The following ASXL2 variants were observed in gnomAD, a reference collection of about 807,000 sequenced individuals.
ASXL2 encodes ASXL transcriptional regulator 2.
A neutral mutation model predicts 122.0 loss-of-function variants in ASXL2; 23 were observed. The observed-to-expected ratio is 0.19, with a 90% CI of 0.14 to 0.27. ASXL2 has a LOEUF of 0.27. Among genes scored for constraint, ASXL2 ranks in the 10% least tolerant of loss-of-function variants. ASXL2 has a pLI of 1.00. For missense variants in ASXL2, 1,518 were observed against 1,713.8 expected (o/e 0.89, Z 2.02); for synonymous variants, 650 against 637.0 (o/e 1.02, Z -0.31).
Position 25,743,699 on chromosome 2 carries a change from C to T in ASXL2, c.2638G>A (p.Val880Met). The T allele has an allele frequency of 1.2e-6, 2 of 1,614,010 alleles. No individual in the cohort carries two copies. Among genetic ancestry groups the T allele is most frequent in the South Asian group, 2.2e-5 (2 of 91,080 alleles). The change falls in exon 13 of 13, where the codon GTG (valine) becomes ATG (methionine). Residue 880 changes from valine to methionine, a missense_variant. Physicochemically the swap from Val to Met is conservative, Grantham distance 21. Around this residue, in one of 8 missense-constraint regions of ASXL2, gnomAD observed 831 missense variants for 833.1 expected, o/e 1.00. Coordinates refer to ENST00000435504, the MANE Select transcript of ASXL2 (RefSeq NM_018263.6). ...ASSKTDASVPVAVTPSPLTSL... is the reference protein window; with the variant it reads ...ASSKTDASVPMAVTPSPLTSL... Reference sequence around the variant, plus strand: ...GTTAAAGGGGAGGGAGTTACAGCCACTGGCACACTAGCATCTGTCTTTGAT... The same window carrying T: ...GTTAAAGGGGAGGGAGTTACAGCCATTGGCACACTAGCATCTGTCTTTGAT...
At chr2:25,756,741 C>T (rs1199178717) in intron 9 of ASXL2, among the ~76,000 whole-genome samples, 1 of 152,206 alleles carries the variant, frequency 6.6e-6, no homozygotes, top group Non-Finnish European at 1.5e-5. Context: ...CTCAACTCTG[C>T]CACTGTAGCA....
At chr2:25,861,330 T>C (rs1230004449) in intron 1 of ASXL2, among the ~76,000 whole-genome samples, 1 of 152,104 alleles carries the variant, frequency 6.6e-6, no homozygotes, top group African/African-American at 2.4e-5. Flanking sequence ...AAAGAAATCT[T>C]GAACAATTCT....
chr2:25,846,415 G>T (rs866077789), intron 1 of ASXL2, among the ~76,000 whole-genome samples: 1 of 152,090 alleles, frequency 6.6e-6, no homozygotes, highest in African/African-American at 2.4e-5. Context: ...GAAGGCCGAG[G>T]CGGACAGATG....
intron 11 of ASXL2, among the ~76,000 whole-genome samples, chr2:25,750,847 G>A (rs2088032059): frequency 6.6e-6 from 1 of 152,174 alleles, no homozygotes; most frequent in Non-Finnish European, 1.5e-5. Context: ...ACTGAAGGAA[G>A]CCCAAGACCC....
In ASXL2 at chr2:25,737,063, T is replaced by C. The variant is rs1341339309; in HGVS notation, c.*4966A>G. On this transcript the variant is annotated 3_prime_UTR_variant, in exon 13 of 13. Coordinates refer to ENST00000435504, the MANE Select transcript of ASXL2 (RefSeq NM_018263.6). ...AGCTACCCTTCCTGACCCAGAGGAG[T>C]TCAAAATTCAAGTGTCAAATGCTGA... is the stretch of plus-strand genomic sequence containing the variant. The C allele has an allele frequency of 6.6e-6, 1 of 151,892 alleles. No homozygotes were observed. Among genetic ancestry groups the C allele is most frequent in the Non-Finnish European group, 1.5e-5 (1 of 67,966 alleles). The allele number at this position is 151,892 out of a possible 1,614,324, so 9.4% of individuals were successfully genotyped here.
At chr2:25,767,854 G>C (rs900552716) in intron 7 of ASXL2, 128 bp from the exon 8 acceptor site, 19 of 1,076,796 alleles carry the variant, frequency 1.8e-5, no homozygotes, top group Middle Eastern at 2.2e-4. Flanking sequence ...AATGTGTTTT[G>C]AGTTTGAAAA....
chr2:25,773,999 T>C lies in ASXL2; in HGVS notation c.404-2459A>G, dbSNP rs184733659. Among the ~76,000 whole-genome samples the C allele has an allele frequency of 3.4e-3, 518 of 151,980 alleles. 3 individuals carry two copies. The highest frequency in any genetic ancestry group is 0.012 in the African/African-American group (485 of 41,490). ...AAGCTGAGATCACGCCACTGTACTC[T>C]AGCCTGGGCAACACAGTGAGACTCC... On this transcript the variant is annotated intron_variant, in intron 5 of 12. Transcript: ENST00000435504.
At chr2:25,794,705 G>A (rs534728448) in intron 5 of ASXL2, among the ~76,000 whole-genome samples, 1 of 152,288 alleles carries the variant, frequency 6.6e-6, no homozygotes, top group Non-Finnish European at 1.5e-5. Flanking sequence ...TTTGCTGTCA[G>A]AGCTCTTTAT....
chr2:25,843,926 G>A (rs2089618797), intron 2 of ASXL2, among the ~76,000 whole-genome samples: 1 of 152,024 alleles, frequency 6.6e-6, no homozygotes, highest in South Asian at 2.1e-4. Flanking sequence ...AAATATTTGG[G>A]CATAGCTTAC....
In ASXL2 at chr2:25,741,866, A is replaced by T; in HGVS notation, c.*163T>A. On this transcript the variant is annotated 3_prime_UTR_variant, in exon 13 of 13. Coordinates refer to ENST00000435504, the MANE Select transcript of ASXL2 (RefSeq NM_018263.6). Reference sequence around the variant, plus strand: ...ACTATACAAGGTGCTCTTCCTCTAAAATGTAAAAAATCTGTACTTTGTATT... The same window carrying T: ...ACTATACAAGGTGCTCTTCCTCTAATATGTAAAAAATCTGTACTTTGTATT... 1 of 680,872 alleles carries T rather than the reference A, an allele frequency of 1.5e-6. No homozygotes were observed. Among genetic ancestry groups the T allele is most frequent in the Non-Finnish European group, 2.4e-6 (1 of 416,914 alleles). The allele number at this position is 680,872 out of a possible 1,614,324, so 42.2% of individuals were successfully genotyped here.
At position 25,878,235 on chromosome 2, in the gene ASXL2, A is replaced by C; in HGVS notation, c.-13T>G. ...CCTTTTCCCTCATGTCGGGTCTTGA[A>C]CTGACTGGGAGGCTCCCGTGTCCGG... On this transcript the variant is annotated 5_prime_UTR_variant, in exon 1 of 13. Coordinates refer to ENST00000435504, the MANE Select transcript of ASXL2 (RefSeq NM_018263.6). The C allele has an allele frequency of 6.2e-7, 1 of 1,613,400 alleles. No individual in the cohort carries two copies. Among genetic ancestry groups the C allele is most frequent in the Non-Finnish European group, 8.5e-7 (1 of 1,179,710 alleles).
At chr2:25,793,209 G>A (rs1478507724) in intron 5 of ASXL2, among the ~76,000 whole-genome samples, 1 of 152,052 alleles carries the variant, frequency 6.6e-6, no homozygotes, top group African/African-American at 2.4e-5. Context: ...TCCAGCCTGG[G>A]TGACAGAGCA....
chr2:25,783,158 ATAAAAAT>A (rs1477856873), intron 5 of ASXL2, among the ~76,000 whole-genome samples: 1 of 152,164 alleles, frequency 6.6e-6, no homozygotes, highest in African/African-American at 2.4e-5. Flanking sequence ...AAATTAAAAA[ATAAAAAT>A]ATGATTGAAT....
chr2:25,824,265 A>G (rs1415914780), intron 3 of ASXL2, among the ~76,000 whole-genome samples: 1 of 152,188 alleles, frequency 6.6e-6, no homozygotes, highest in Non-Finnish European at 1.5e-5. Flanking sequence ...AACTCAGGAA[A>G]AAAAATATGG....
intron 1 of ASXL2, among the ~76,000 whole-genome samples, chr2:25,848,492 G>C (rs147802809): frequency 0.02 from 2,976 of 151,968 alleles, 45 homozygotes; most frequent in Middle Eastern, 0.048. Flanking sequence ...GCGTGGTGGC[G>C]GACGCCTGTA....
chr2:25,781,354 G>A (rs571184653), intron 5 of ASXL2, among the ~76,000 whole-genome samples: 2 of 152,002 alleles, frequency 1.3e-5, no homozygotes, highest in Non-Finnish European at 2.9e-5. Flanking sequence ...AGCCGTGATG[G>A]TGCTACTGCA....
Position 25,740,334 on chromosome 2 carries a change from C to T in ASXL2, c.*1695G>A, listed in dbSNP as rs2087807525. ...GGGGGCAAAACAGAGATGATTATTG[C>T]CCATTTTCTCCTAATCTGGAATGTG... is the stretch of plus-strand genomic sequence containing the variant. On this transcript the variant is annotated 3_prime_UTR_variant, in exon 13 of 13. Coordinates refer to ENST00000435504, the MANE Select transcript of ASXL2 (RefSeq NM_018263.6). The T allele has an allele frequency of 4.5e-6, 1 of 224,154 alleles. No individual in the cohort carries two copies. The highest frequency in any genetic ancestry group is 6.4e-5 in the East Asian group (1 of 15,508). The allele number at this position is 224,154 out of a possible 1,614,324, so 13.9% of individuals were successfully genotyped here.
At chr2:25,782,668 A>T (rs911789674) in intron 5 of ASXL2, among the ~76,000 whole-genome samples, 3 of 152,226 alleles carry the variant, frequency 2.0e-5, no homozygotes, top group Non-Finnish European at 4.4e-5. Context: ...CCCTTAAGAC[A>T]CTGGTTTCTC....
At chr2:25,865,378 G>A (rs944431008) in intron 1 of ASXL2, among the ~76,000 whole-genome samples, 11 of 151,880 alleles carry the variant, frequency 7.2e-5, no homozygotes, top group Non-Finnish European at 1.6e-4. Flanking sequence ...ATTGCAGTGA[G>A]CTGAGATCAT....
Sources: allele counts gnomAD v4.1 joint callset (sites outside exome capture counted in the v4.1 genomes callset), GRCh38; gene constraint gnomAD v4.1.1; regional missense constraint gnomAD v4.1.1; transcripts MANE v1.5; gene names NCBI Gene and HGNC (gene_info 2026-07-23, HGNC 2026-07-21).